The following RYR2 variants were observed in gnomAD, a reference collection of about 807,000 sequenced individuals.
RYR2 encodes ryanodine receptor 2, also known as cardiac muscle ryanodine receptor-calcium release channel.
A neutral mutation model predicts 601.1 loss-of-function variants in RYR2; 227 were observed. The ratio of observed to expected loss-of-function variants is 0.38; its 90% CI spans 0.34 to 0.42. The LOEUF (loss-of-function observed/expected upper bound fraction) is 0.42. Ranked by LOEUF, RYR2 falls within the 10% of genes least tolerant of loss-of-function variation. The pLI is 1.00. For synonymous variants in RYR2, 2,223 were observed against 2,175.1 expected (o/e 1.02, Z -0.61); for missense variants, 4,646 against 6,156.5 (o/e 0.75, Z 8.21).
intron 14 of RYR2, 89 bp downstream of exon 14, chr1:237,445,611 T>G: frequency 6.6e-7 from 1 of 1,507,528 alleles, no homozygotes; most frequent in Non-Finnish European, 9.1e-7. Flanking sequence ...AAGTATGCTA[T>G]GATGGTAATA....
intron 1 of RYR2, among the ~76,000 whole-genome samples, chr1:237,218,873 TGTAA>T (rs977737198): frequency 2.6e-5 from 4 of 152,136 alleles, no homozygotes; most frequent in African/African-American, 7.2e-5. Context: ...TGCTTTTGGC[TGTAA>T]GTAAGAGATG....
At chr1:237,504,246 G>A (rs538516252) in intron 22 of RYR2, among the ~76,000 whole-genome samples, 2 of 152,290 alleles carry the variant, frequency 1.3e-5, no homozygotes, top group South Asian at 2.1e-4. Flanking sequence ...GGGTGCAGGC[G>A]GGCTGAGTCC....
At chr1:237,721,823 T>C (rs975148898) in intron 73 of RYR2, among the ~76,000 whole-genome samples, 1 of 152,128 alleles carries the variant, frequency 6.6e-6, no homozygotes, top group African/African-American at 2.4e-5. Context: ...CCCGGCTGCT[T>C]TGTCCATTTT....
intron 1 of RYR2, among the ~76,000 whole-genome samples, chr1:237,197,468 T>C (rs942110295): frequency 6.6e-6 from 1 of 152,216 alleles, no homozygotes; most frequent in Middle Eastern, 3.2e-3. Flanking sequence ...TATGTAATCA[T>C]GTAATATTCA....
At position 237,432,024 on chromosome 1, in the gene RYR2, T is replaced by C. The variant is rs114738719; in HGVS notation, c.1005+8776T>C. 3.6e-3 allele frequency among the ~76,000 whole-genome samples: 543 copies of C among 152,272 alleles called. 3 individuals carry two copies. Among genetic ancestry groups the C allele is most frequent in the African/African-American group, 0.012 (512 of 41,560 alleles). ...TTTAACTGTAAAGCTCCTATCATTT[T>C]AGAAGCAAATTATAATGATTTAGTA... On this transcript the variant is annotated intron_variant, in intron 12 of 104. Coordinates refer to ENST00000366574, the MANE Select transcript of RYR2 (RefSeq NM_001035.3).
At chr1:237,362,766 T>G (rs963852960) in intron 4 of RYR2, among the ~76,000 whole-genome samples, 1 of 152,196 alleles carries the variant, frequency 6.6e-6, no homozygotes, top group Admixed American at 6.6e-5. Flanking sequence ...TCTTTCATGT[T>G]CTTGATTATC....
chr1:237,205,592 C>T (rs1176960266), intron 1 of RYR2, among the ~76,000 whole-genome samples: 1 of 152,208 alleles, frequency 6.6e-6, no homozygotes, highest in Non-Finnish European at 1.5e-5. Context: ...GGGGCTGGCA[C>T]CCAGGCTGGT....
intron 1 of RYR2, among the ~76,000 whole-genome samples, chr1:237,044,185 G>GT (rs4006365): frequency 0.03 from 4,529 of 150,476 alleles, 111 homozygotes; most frequent in African/African-American, 0.074. Flanking sequence ...GACTATAAGG[G>GT]TTTTTTTTTT....
At chr1:237,633,093 T>C (rs1680519646) in intron 42 of RYR2, among the ~76,000 whole-genome samples, 1 of 152,190 alleles carries the variant, frequency 6.6e-6, no homozygotes, top group African/African-American at 2.4e-5. Flanking sequence ...CTGGAATCAG[T>C]AATTCTACTA....
intron 3 of RYR2, among the ~76,000 whole-genome samples, chr1:237,335,370 G>A (rs1697146477): frequency 6.6e-6 from 1 of 152,144 alleles, no homozygotes; most frequent in Non-Finnish European, 1.5e-5. Context: ...TCTCCTATGA[G>A]CACAGATATC....
chr1:237,548,330 T>A, intron 25 of RYR2, 101 bp from the exon 26 acceptor site: 2 of 1,273,864 alleles, frequency 1.6e-6, no homozygotes, highest in African/African-American at 1.5e-5. Flanking sequence ...CCACTGTGGT[T>A]TATGGAAGAA....
At chr1:237,462,799 C>T (rs1486907634) in intron 16 of RYR2, among the ~76,000 whole-genome samples, 1 of 152,160 alleles carries the variant, frequency 6.6e-6, no homozygotes, top group Non-Finnish European at 1.5e-5. Context: ...TTTAGACATG[C>T]ACAGATCGGT....
chr1:237,597,841 C>T (rs1477266637), intron 34 of RYR2, among the ~76,000 whole-genome samples: 1 of 152,016 alleles, frequency 6.6e-6, no homozygotes, highest in Non-Finnish European at 1.5e-5. Context: ...CAATAATAAC[C>T]TTGAATGTAA....
chr1:237,216,236 G>T (rs1056624142), intron 1 of RYR2, among the ~76,000 whole-genome samples: 1 of 152,046 alleles, frequency 6.6e-6, no homozygotes, highest in African/African-American at 2.4e-5. Flanking sequence ...TATTACATCT[G>T]CATCTCTATG....
intron 62 of RYR2, 65 bp from the exon 63 acceptor site, chr1:237,687,384 TAATTTC>T: frequency 1.5e-6 from 1 of 656,896 alleles, no homozygotes; most frequent in South Asian, 2.1e-5. Flanking sequence ...TTTTTTTTTT[TAATTTC>T]CCCCTGTCTT....
At chr1:237,372,015 G>A (rs1700681610) in intron 6 of RYR2, among the ~76,000 whole-genome samples, 1 of 151,880 alleles carries the variant, frequency 6.6e-6, no homozygotes, top group South Asian at 2.1e-4. Flanking sequence ...TAACAAACCT[G>A]CACATTGGGC....
intron 1 of RYR2, among the ~76,000 whole-genome samples, chr1:237,146,886 TA>T (rs1674060836): frequency 6.6e-6 from 1 of 152,208 alleles, no homozygotes; most frequent in African/African-American, 2.4e-5. Flanking sequence ...TCTTTCTGGT[TA>T]AAAGTTAGAA....
intron 1 of RYR2, among the ~76,000 whole-genome samples, chr1:237,057,398 G>A (rs1473663237): frequency 6.6e-6 from 1 of 152,090 alleles, no homozygotes; most frequent in Non-Finnish European, 1.5e-5. Context: ...CGTTAGCCAG[G>A]ATGGTCTCGA....
rs1015213283 is a variant in RYR2, at chr1:237,244,769, T to G, written c.49-25728T>G. Among the ~76,000 whole-genome samples, 18 of 151,828 alleles carry G rather than the reference T, an allele frequency of 1.2e-4. No homozygotes were observed. In the East Asian group the frequency reaches 3.3e-3, roughly 28 times the overall value. ...TCCTGTATGTCTGTGTCCTGAATTT[T>G]CTTGGCGCGAGACAATGAGCCCCGG... On this transcript the variant is annotated intron_variant, in intron 1 of 104. Coordinates refer to ENST00000366574, the MANE Select transcript of RYR2 (RefSeq NM_001035.3).
Sources: allele counts gnomAD v4.1 joint callset (sites outside exome capture counted in the v4.1 genomes callset), GRCh38; gene constraint gnomAD v4.1.1; transcripts MANE v1.5; gene names NCBI Gene and HGNC (gene_info 2026-07-23, HGNC 2026-07-21).